TSPAN1: variants seen among roughly 807,000 people sequenced by gnomAD.
TSPAN1 encodes the protein tetraspanin-1.
TSPAN1 carries 23 observed loss-of-function variants against 26.9 expected under a neutral mutation model. The ratio of observed to expected loss-of-function variants is 0.85; its 90% CI spans 0.62 to 1.21. The LOEUF (loss-of-function observed/expected upper bound fraction) is 1.21. Among genes scored for constraint, TSPAN1 ranks in the 50% most tolerant of loss-of-function variants. TSPAN1 has a pLI of 0.00. For missense variants in TSPAN1, 283 were observed against 298.4 expected (o/e 0.95, Z 0.38); for synonymous variants, 115 against 114.8 (o/e 1.00, Z -0.01).
At chr1:46,185,181 G>A in intron 7 of TSPAN1, 44 bp from the exon 8 acceptor site, 4 of 1,614,186 alleles carry the variant, frequency 2.5e-6, no homozygotes, top group South Asian at 1.1e-5. Context: ...GGGGATGGGA[G>A]TAGGGCAGCT....
the TSPAN1 span, chr1:46,194,241 G>A: frequency 5.0e-6 from 8 of 1,614,016 alleles, no homozygotes; most frequent in Middle Eastern, 1.6e-4. Context: ...CTGGGAAGGA[G>A]TCCAAACCTC....
At chr1:46,195,426 C>T in the TSPAN1 span, 1 of 375,262 alleles carries the variant, frequency 2.7e-6, no homozygotes, top group South Asian at 2.2e-5. Flanking sequence ...CAGGGGCCTT[C>T]TCTTTCTAAA....
the TSPAN1 span, chr1:46,194,865 C>T: frequency 6.2e-7 from 1 of 1,614,112 alleles, no homozygotes; most frequent in South Asian, 1.1e-5. Flanking sequence ...CCCACGAAGG[C>T]CCATGTGTCC....
At chr1:46,193,754 G>GA in the TSPAN1 span, 1 of 1,597,064 alleles carries the variant, frequency 6.3e-7, no homozygotes, top group Non-Finnish European at 8.5e-7. Context: ...AATGCGTCTA[G>GA]AATCTATTGC....
downstream of TSPAN1, among the ~76,000 whole-genome samples, chr1:46,187,594 G>T (rs1398662890): frequency 6.6e-6 from 1 of 152,156 alleles, no homozygotes; most frequent in Non-Finnish European, 1.5e-5. Context: ...GTGCGGGACA[G>T]GGGGAGGAGC....
At chr1:46,194,822 G>A in the TSPAN1 span, 1 of 1,613,668 alleles carries the variant, frequency 6.2e-7, no homozygotes, top group Non-Finnish European at 8.5e-7. Context: ...ACTACAGAGT[G>A]GATGGCCTCT....
the TSPAN1 span, chr1:46,193,845 C>CCTGTA: frequency 6.2e-7 from 1 of 1,613,910 alleles, no homozygotes; most frequent in Non-Finnish European, 8.5e-7. Flanking sequence ...TAGCCCATTC[C>CCTGTA]CAGGCTTACC....
chr1:46,176,363 A>G (rs1319626837), intron 1 of TSPAN1: 2 of 1,535,634 alleles, frequency 1.3e-6, no homozygotes, highest in South Asian at 2.4e-5. Flanking sequence ...CTGCGGCTAC[A>G]CTTGAACATC....
downstream of TSPAN1, chr1:46,190,386 T>C: frequency 6.7e-7 from 1 of 1,486,778 alleles, no homozygotes; most frequent in Admixed American, 1.7e-5. Context: ...ATTTTCATTT[T>C]GCACAGGACC....
In TSPAN1 at chr1:46,180,662, A is replaced by C; in HGVS notation, c.-9+4A>C. ...CACTGCCAAGAGCCCTGAACAGGTA[A>C]TGGGATAGGGATACAGATTATCCTG... On this transcript the variant is annotated splice_donor_region_variant and intron_variant, in intron 2 of 8. Coordinates refer to ENST00000372003, the MANE Select transcript of TSPAN1 (RefSeq NM_005727.4). The C allele has an allele frequency of 6.2e-6, 1 of 161,378 alleles. No homozygotes were observed. Among genetic ancestry groups the C allele is most frequent in the Non-Finnish European group, 1.3e-5 (1 of 74,112 alleles). The allele number at this position is 161,378 out of a possible 1,614,324, so 10.0% of individuals were successfully genotyped here. A position where few individuals can be genotyped will look rare whatever the true frequency, so the allele number is the denominator to read the frequency against.
At chr1:46,185,159 A>C (rs767059714) in intron 7 of TSPAN1, 44 bp downstream of exon 7, 30 of 1,614,072 alleles carry the variant, frequency 1.9e-5, no homozygotes, top group Non-Finnish European at 2.5e-5. Context: ...TCATGGCCTC[A>C]GAGTGGCAAA....
downstream of TSPAN1, chr1:46,190,630 A>T: frequency 6.5e-7 from 1 of 1,534,170 alleles, no homozygotes; most frequent in South Asian, 1.1e-5. Context: ...GGCTGGAGTA[A>T]ACACACAGGC....
chr1:46,186,673 T>TC, downstream of TSPAN1, among the ~76,000 whole-genome samples: 1 of 141,834 alleles, frequency 7.1e-6, no homozygotes, highest in East Asian at 2.0e-4. Flanking sequence ...TGTTTTTTTT[T>TC]TTTTTTTTTT....
rs1396937683 is a variant in TSPAN1 at position 46,185,916 on chromosome 1, T to C, written c.*383T>C. 1 of 276,326 alleles carries C rather than the reference T, an allele frequency of 3.6e-6. No individual in the cohort carries two copies. The highest frequency in any genetic ancestry group is 6.9e-6 in the Non-Finnish European group (1 of 145,754). 17.1% of individuals were successfully genotyped at this position (276,326 alleles called of 1,614,324 possible). A position where few individuals can be genotyped will look rare whatever the true frequency, so the allele number is the denominator to read the frequency against. ...GAAATCAGCAGAGCCTCTGGGTGGA[T>C]GTGTAGAAGGCACTTCAAAATGCAT... On this transcript the variant is annotated 3_prime_UTR_variant, in exon 9 of 9. Coordinates refer to ENST00000372003, the MANE Select transcript of TSPAN1 (RefSeq NM_005727.4).
In TSPAN1 at chr1:46,185,041, T is replaced by C; in HGVS notation, c.520T>C (p.Cys174Arg). The C allele has an allele frequency of 1.9e-6, 3 of 1,614,214 alleles. No homozygotes were observed. Among genetic ancestry groups the C allele is most frequent in the Non-Finnish European group, 2.5e-6 (3 of 1,180,042 alleles). The change falls in exon 7 of 9, where the codon TGT becomes CGT. Residue 174 changes from cysteine to arginine, a missense_variant. Transcript: ENST00000372003. ...AGAGAACAGTGCCTTTCCCCCATTC[T>C]GTTGCAATGACAACGTCACCAACAC... ...FKENSAFPPFCCNDNVTNTAN... is the reference protein window; with the variant it reads ...FKENSAFPPFRCNDNVTNTAN...
downstream of TSPAN1, among the ~76,000 whole-genome samples, chr1:46,186,950 C>A (rs1478637648): frequency 6.6e-6 from 1 of 152,162 alleles, no homozygotes; most frequent in African/African-American, 2.4e-5. Flanking sequence ...GCATGAGCCA[C>A]CGTGCCCGGC....
the TSPAN1 span, chr1:46,191,285 G>A: frequency 5.3e-5 from 12 of 225,458 alleles, no homozygotes; most frequent in African/African-American, 2.3e-4. Context: ...CAAGCTGGAC[G>A]CTATTCATTC....
At chr1:46,181,252 G>C (rs1360969202) in intron 3 of TSPAN1, 88 bp downstream of exon 3, 2 of 1,333,346 alleles carry the variant, frequency 1.5e-6, no homozygotes, top group Admixed American at 3.9e-5. Context: ...ATGGGAGACT[G>C]CTATGCCCAG....
At chr1:46,181,600 A>G (rs1255961982) in intron 3 of TSPAN1, among the ~76,000 whole-genome samples, 1 of 152,228 alleles carries the variant, frequency 6.6e-6, no homozygotes, top group Non-Finnish European at 1.5e-5. Context: ...CCTACCTCTC[A>G]TCAGAGCAAC....
Sources: allele counts gnomAD v4.1 joint callset (sites outside exome capture counted in the v4.1 genomes callset), GRCh38; gene constraint gnomAD v4.1.1; transcripts MANE v1.5; gene names NCBI Gene and HGNC (gene_info 2026-07-23, HGNC 2026-07-21).